The following TMEM97 variants were observed in gnomAD, a reference collection of about 807,000 sequenced individuals.
The protein encoded by TMEM97 is sigma intracellular receptor 2.
A neutral mutation model predicts 18.3 loss-of-function variants in TMEM97; 13 were observed. The observed-to-expected ratio is 0.71, with a 90% CI of 0.46 to 1.13. The LOEUF is 1.13. TMEM97 is among the 50% of genes most tolerant of loss of function. The pLI is 0.00. For synonymous variants in TMEM97, 76 were observed against 85.3 expected (o/e 0.89, Z 0.60); for missense variants, 205 against 210.5 (o/e 0.97, Z 0.16).
rs1906414607 is a variant in TMEM97, at chr17:28,327,589, T to A, written c.*796T>A. 1 of 152,254 alleles carries A rather than the reference T, an allele frequency of 6.6e-6. No individual in the cohort carries two copies. The highest frequency in any genetic ancestry group is 2.4e-5 in the African/African-American group (1 of 41,466). The allele number at this position is 152,254 out of a possible 1,614,324, so 9.4% of individuals were successfully genotyped here. A position where few individuals can be genotyped will look rare whatever the true frequency, so the allele number is the denominator to read the frequency against. On this transcript the variant is annotated 3_prime_UTR_variant, in exon 3 of 3. Coordinates refer to ENST00000226230, the MANE Select transcript of TMEM97 (RefSeq NM_014573.3). ...TTTTAAATGTGAAATTTTGCCTCTT[T>A]AATGTTAATTCAAAACTATATCAAT... is the stretch of plus-strand genomic sequence containing the variant.
In TMEM97 at chr17:28,328,596, G is replaced by C. The variant is rs1555575904; in HGVS notation, c.*1803G>C. ...CTGGAATGCTACAGAGGTTTTTTTG[G>C]TTTTGAGAGGCTTTTTTTTGTTTTG... is the stretch of plus-strand genomic sequence containing the variant. On this transcript the variant is annotated 3_prime_UTR_variant, in exon 3 of 3. Coordinates refer to ENST00000226230, the MANE Select transcript of TMEM97 (RefSeq NM_014573.3). 2 of 1,241,910 alleles carry C rather than the reference G, an allele frequency of 1.6e-6. No individual in the cohort carries two copies. The highest frequency in any genetic ancestry group is 4.8e-5 in the East Asian group (2 of 42,062). The allele number at this position is 1,241,910 out of a possible 1,614,324, so 76.9% of individuals were successfully genotyped here.
intron 1 of TMEM97, 66 bp downstream of exon 1, chr17:28,319,431 ACCT>A (rs1906050687): frequency 6.8e-7 from 1 of 1,462,144 alleles, no homozygotes; most frequent in Non-Finnish European, 9.1e-7. Context: ...CAGGGCCTTC[ACCT>A]CCTCCGCGCT....
At chr17:28,319,393 C>T (rs782503773) in intron 1 of TMEM97, 28 bp downstream of exon 1, 1 of 1,403,528 alleles carries the variant, frequency 7.1e-7, no homozygotes, top group East Asian at 2.8e-5. Context: ...TATCCCGGCC[C>T]GCTGAGGCTC....
At chr17:28,325,193 T>C (rs944980774) in intron 1 of TMEM97, among the ~76,000 whole-genome samples, 1 of 152,202 alleles carries the variant, frequency 6.6e-6, no homozygotes, top group Non-Finnish European at 1.5e-5. Flanking sequence ...TTATTGTTGC[T>C]CCTGACAGTG....
intron 1 of TMEM97, among the ~76,000 whole-genome samples, chr17:28,323,850 T>C (rs1016499967): frequency 2.0e-5 from 3 of 152,096 alleles, no homozygotes; most frequent in African/African-American, 7.2e-5. Flanking sequence ...TACAGAAAAT[T>C]AGCTGGGCTT....
chr17:28,320,279 G>T (rs1245908306), intron 1 of TMEM97, among the ~76,000 whole-genome samples: 2 of 152,136 alleles, frequency 1.3e-5, no homozygotes, highest in African/African-American at 2.4e-5. Context: ...CCCAAAAATG[G>T]GTGCAAGTGT....
rs1450901431 is a variant in TMEM97 at position 28,328,378 on chromosome 17, CA to C, written c.*1593del. ...CTCCTTCCAAAGCTTTGTGAATTTA[CA>C]AAAAAAAGGATGAAAGTTTACAAAC... On this transcript the variant is annotated 3_prime_UTR_variant, in exon 3 of 3. Coordinates refer to ENST00000226230, the MANE Select transcript of TMEM97 (RefSeq NM_014573.3). 2.9e-4 allele frequency: 94 copies of C among 327,510 alleles called. No individual in the cohort carries two copies. Among genetic ancestry groups the C allele is most frequent in the Middle Eastern group, 8.1e-4 (1 of 1,230 alleles). The allele number at this position is 327,510 out of a possible 1,614,324, so 20.3% of individuals were successfully genotyped here. A position where few individuals can be genotyped will look rare whatever the true frequency, so the allele number is the denominator to read the frequency against.
chr17:28,323,949 G>T (rs1380230120), intron 1 of TMEM97, among the ~76,000 whole-genome samples: 2 of 152,118 alleles, frequency 1.3e-5, no homozygotes, highest in African/African-American at 4.8e-5. Flanking sequence ...AGTGGGCCGA[G>T]ATCAAATCAC....
At position 28,327,350 on chromosome 17, in the gene TMEM97, T is replaced by C. The variant is rs1906400065; in HGVS notation, c.*557T>C. 6.5e-6 allele frequency: 1 copy of C among 154,612 alleles called. No individual in the cohort carries two copies. The highest frequency in any genetic ancestry group is 6.3e-5 in the Admixed American group (1 of 15,794). 9.6% of individuals were successfully genotyped at this position (154,612 alleles called of 1,614,324 possible). A position where few individuals can be genotyped will look rare whatever the true frequency, so the allele number is the denominator to read the frequency against. Reference sequence around the variant, plus strand: ...GGGCAAAGGGGTGTGGGCTAGGTTATAAGGAAGTGGTACCAAATAACTGTG... The same window carrying C: ...GGGCAAAGGGGTGTGGGCTAGGTTACAAGGAAGTGGTACCAAATAACTGTG... On this transcript the variant is annotated 3_prime_UTR_variant, in exon 3 of 3. Coordinates refer to ENST00000226230, the MANE Select transcript of TMEM97 (RefSeq NM_014573.3).
intron 1 of TMEM97, among the ~76,000 whole-genome samples, chr17:28,320,677 CA>C (rs1211758269): frequency 1.3e-5 from 2 of 152,204 alleles, no homozygotes; most frequent in East Asian, 3.8e-4. Context: ...TATTTGTTTA[CA>C]GTTCTGGAGG....
rs1215123407 is a variant in TMEM97, at chr17:28,326,933, C to G, written c.*140C>G. 9.4e-6 allele frequency: 10 copies of G among 1,066,090 alleles called. No homozygotes were observed. The African/African-American group carries it at 1.1e-4, about 12-fold the overall frequency. The allele number at this position is 1,066,090 out of a possible 1,614,324, so 66.0% of individuals were successfully genotyped here. On this transcript the variant is annotated 3_prime_UTR_variant, in exon 3 of 3. Coordinates refer to ENST00000226230, the MANE Select transcript of TMEM97 (RefSeq NM_014573.3). ...GCAATGCACAAGAGCAAGATGGTGTCAGGAACCATGTCAAACCCTCACCTT... is the reference window on the plus strand; with the variant it reads ...GCAATGCACAAGAGCAAGATGGTGTGAGGAACCATGTCAAACCCTCACCTT...
intron 1 of TMEM97, 147 bp from the exon 2 acceptor site, chr17:28,325,356 A>G (rs1906288623): frequency 9.8e-7 from 1 of 1,019,798 alleles, no homozygotes. Context: ...CTGTGTCACA[A>G]AAGCCAGCTG....
chr17:28,319,258 A>G lies in TMEM97; in HGVS notation c.19A>G (p.Arg7Gly). 1 of 1,609,668 alleles carries G rather than the reference A, an allele frequency of 6.2e-7. No individual in the cohort carries two copies. The highest frequency in any genetic ancestry group is 8.5e-7 in the Non-Finnish European group (1 of 1,177,892). ...ACAGACTATGGGGGCTCCGGCAACC[A>G]GGCGCTGCGTGGAGTGGCTGCTGGG... MGAPAT[R>G]RCVEWLLGLY... The change falls in exon 1 of 3, where the codon AGG becomes GGG. Residue 7 changes from arginine to glycine, a missense_variant. Transcript: ENST00000226230.
At chr17:28,320,370 C>G (rs568582686) in intron 1 of TMEM97, among the ~76,000 whole-genome samples, 91 of 152,300 alleles carry the variant, frequency 6.0e-4, no homozygotes, top group Non-Finnish European at 1.1e-3. Context: ...AAGGCCACGG[C>G]TCAAGAATGT....
chr17:28,325,971 T>C (rs1906319226), intron 2 of TMEM97: 1 of 373,668 alleles, frequency 2.7e-6, no homozygotes, highest in Non-Finnish European at 4.9e-6. Flanking sequence ...TGTTGGCTTT[T>C]ATTTCTCTGC....
In TMEM97 at chr17:28,319,371, G is replaced by A; in HGVS notation, c.126+6G>A. On this transcript the variant is annotated splice_donor_region_variant and intron_variant, in intron 1 of 2. Transcript: ENST00000226230. ...GCGAGCTCTACCCAGTCGAGGTGAG[G>A]GGCGCCCCTCTTATCCCGGCCCGCT... 1 of 1,581,284 alleles carries A rather than the reference G, an allele frequency of 6.3e-7. No homozygotes were observed. The highest frequency in any genetic ancestry group is 1.1e-5 in the South Asian group (1 of 88,282).
chr17:28,328,112 A>T lies in TMEM97; in HGVS notation c.*1319A>T, dbSNP rs1229432130. ...CAACCTTAAAATGATGTTAGACAAC[A>T]GGTCCCAGTCAGTTCCCTCTATTTT... On this transcript the variant is annotated 3_prime_UTR_variant, in exon 3 of 3. Coordinates refer to ENST00000226230, the MANE Select transcript of TMEM97 (RefSeq NM_014573.3). 1 of 153,224 alleles carries T rather than the reference A, an allele frequency of 6.5e-6. No individual in the cohort carries two copies. Among genetic ancestry groups the T allele is most frequent in the Admixed American group, 6.5e-5 (1 of 15,296 alleles). The allele number at this position is 153,224 out of a possible 1,614,324, so 9.5% of individuals were successfully genotyped here.
chr17:28,319,731 T>C (rs2142153414), intron 1 of TMEM97: 1 of 176,834 alleles, frequency 5.7e-6, no homozygotes, highest in Non-Finnish European at 1.2e-5. Context: ...GTTTTTTGTT[T>C]GTTTGTTTGG....
Position 28,327,527 on chromosome 17 carries a change from C to A in TMEM97, c.*734C>A, listed in dbSNP as rs535419437. 1 of 152,314 alleles carries A rather than the reference C, an allele frequency of 6.6e-6. No individual in the cohort carries two copies. Among genetic ancestry groups the A allele is most frequent in the East Asian group, 1.9e-4 (1 of 5,190 alleles). The allele number at this position is 152,314 out of a possible 1,614,324, so 9.4% of individuals were successfully genotyped here. A position where few individuals can be genotyped will look rare whatever the true frequency, so the allele number is the denominator to read the frequency against. Reference sequence around the variant, plus strand: ...ACTCCTGATTCTCAAGAGTGTATCACCTGTCAGCAAAATGAATAGTGGGAT... The same window carrying A: ...ACTCCTGATTCTCAAGAGTGTATCAACTGTCAGCAAAATGAATAGTGGGAT... On this transcript the variant is annotated 3_prime_UTR_variant, in exon 3 of 3. Transcript: ENST00000226230.
Sources: gnomAD v4.1 joint callset for allele counts (sites outside exome capture counted in the v4.1 genomes callset) on GRCh38, gnomAD v4.1.1 for gene constraint, MANE v1.5 for transcripts, NCBI Gene and HGNC (gene_info 2026-07-23, HGNC 2026-07-21) for gene names.